ELMO1: variants seen among roughly 807,000 people sequenced by gnomAD.
The protein encoded by ELMO1 is engulfment and cell motility protein 1.
In ELMO1, 26 loss-of-function variants were observed where a neutral mutation model predicts 98.9. The ratio of observed to expected loss-of-function variants is 0.26; its 90% CI spans 0.19 to 0.36. The LOEUF (loss-of-function observed/expected upper bound fraction) is 0.36. Ranked by LOEUF, ELMO1 falls within the 10% of genes least tolerant of loss-of-function variation. The pLI, the probability that ELMO1 is intolerant of heterozygous loss-of-function variation, is 1.00. For missense variants in ELMO1, 627 were observed against 935.2 expected (o/e 0.67, Z 4.30); for synonymous variants, 346 against 346.0 (o/e 1.00, Z 0.00).
intron 2 of ELMO1, among the ~76,000 whole-genome samples, chr7:37,322,576 G>A (rs747967992): frequency 8.0e-5 from 12 of 150,872 alleles, no homozygotes; most frequent in African/African-American, 1.9e-4. Flanking sequence ...AGCTGAGACC[G>A]CGCTACTGCA....
chr7:37,161,289 G>T (rs905858439), intron 13 of ELMO1, among the ~76,000 whole-genome samples: 1 of 152,062 alleles, frequency 6.6e-6, no homozygotes, highest in Non-Finnish European at 1.5e-5. Context: ...GTGAAGTCTG[G>T]CTTTCTCACT....
chr7:37,009,510 C>A (rs560487970), intron 16 of ELMO1, among the ~76,000 whole-genome samples: 3 of 152,346 alleles, frequency 2.0e-5, no homozygotes, highest in East Asian at 3.9e-4. Context: ...AACTACCAAG[C>A]ACTAGATATC....
intron 16 of ELMO1, among the ~76,000 whole-genome samples, chr7:36,965,241 C>T (rs931365131): frequency 2.0e-5 from 3 of 152,152 alleles, no homozygotes; most frequent in African/African-American, 4.8e-5. Context: ...CTGCCTCCCC[C>T]GCTGCCTCCC....
At chr7:36,981,516 C>T (rs1791048901) in intron 16 of ELMO1, among the ~76,000 whole-genome samples, 1 of 152,110 alleles carries the variant, frequency 6.6e-6, no homozygotes, top group Admixed American at 6.5e-5. Context: ...AATTAAATCA[C>T]TCCTTAGCCT....
At chr7:37,250,091 GATAAA>G (rs1158178173) in intron 6 of ELMO1, among the ~76,000 whole-genome samples, 3 of 151,814 alleles carry the variant, frequency 2.0e-5, no homozygotes, top group African/African-American at 7.3e-5. Flanking sequence ...AAAAAAGTAA[GATAAA>G]ATAAAATAAA....
chr7:36,901,839 G>T (rs553807109), intron 16 of ELMO1, among the ~76,000 whole-genome samples: 1 of 152,202 alleles, frequency 6.6e-6, no homozygotes, highest in African/African-American at 2.4e-5. Context: ...AACAACTTAC[G>T]TATCTTCACA....
chr7:37,292,317 T>G (rs75551533), intron 4 of ELMO1, among the ~76,000 whole-genome samples: 70,663 of 71,264 alleles, frequency 0.99, 35,061 homozygotes, highest in South Asian at 1. Flanking sequence ...CCTCCCAGCC[T>G]CCTGCCTTGG....
intron 1 of ELMO1, among the ~76,000 whole-genome samples, chr7:37,426,844 G>C (rs1308945554): frequency 2.0e-5 from 3 of 151,756 alleles, no homozygotes; most frequent in Non-Finnish European, 4.4e-5. Flanking sequence ...TCACAGGTTG[G>C]ATATCCTTGT....
At chr7:36,919,165 T>A (rs1345856753) in intron 16 of ELMO1, among the ~76,000 whole-genome samples, 5 of 152,214 alleles carry the variant, frequency 3.3e-5, no homozygotes, top group African/African-American at 7.2e-5. Flanking sequence ...GCACCTTGGG[T>A]TGCAAGATCC....
intron 16 of ELMO1, among the ~76,000 whole-genome samples, chr7:36,919,775 A>C: frequency 6.6e-6 from 1 of 152,160 alleles, no homozygotes; most frequent in East Asian, 1.9e-4. Context: ...TGCAATCCAA[A>C]GCTCCCATCA....
chr7:37,264,779 G>A (rs866566769), intron 5 of ELMO1, among the ~76,000 whole-genome samples: 15 of 152,138 alleles, frequency 9.9e-5, no homozygotes, highest in Admixed American at 2.6e-4. Flanking sequence ...AGGATTAGCC[G>A]TGGGCACAGG....
At chr7:37,246,519 G>GA (rs898155978) in intron 6 of ELMO1, among the ~76,000 whole-genome samples, 6 of 151,888 alleles carry the variant, frequency 4.0e-5, no homozygotes, top group Admixed American at 2.6e-4. Flanking sequence ...CGAAATGGGG[G>GA]AAAAAAAATC....
chr7:37,226,969 C>G (rs535343567), intron 8 of ELMO1, among the ~76,000 whole-genome samples: 1 of 152,164 alleles, frequency 6.6e-6, no homozygotes, highest in Admixed American at 6.5e-5. Flanking sequence ...AAGTACACTG[C>G]GGGCCTATTC....
At chr7:37,391,554 A>G (rs1803077917) in intron 1 of ELMO1, among the ~76,000 whole-genome samples, 1 of 152,232 alleles carries the variant, frequency 6.6e-6, no homozygotes, top group East Asian at 1.9e-4. Flanking sequence ...CTTCCTCTCT[A>G]AAAATTCTTT....
chr7:37,013,604 A>G (rs1163407180), intron 15 of ELMO1, 169 bp from the exon 16 acceptor site: 2 of 735,056 alleles, frequency 2.7e-6, no homozygotes, highest in Admixed American at 5.9e-5. Context: ...GCCCCCATAC[A>G]ACTCGGAAGT....
chr7:37,321,362 A>G, intron 2 of ELMO1, among the ~76,000 whole-genome samples: 1 of 152,136 alleles, frequency 6.6e-6, no homozygotes, highest in Non-Finnish European at 1.5e-5. Context: ...AGTGATATGA[A>G]TAATATATTA....
chr7:36,969,942 T>C (rs1789771529), intron 16 of ELMO1, among the ~76,000 whole-genome samples: 1 of 152,142 alleles, frequency 6.6e-6, no homozygotes, highest in African/African-American at 2.4e-5. Context: ...TTAACAAGAT[T>C]TCTATTTTTC....
intron 16 of ELMO1, among the ~76,000 whole-genome samples, chr7:37,005,066 G>A (rs1216849759): frequency 2.4e-5 from 3 of 123,268 alleles, no homozygotes; most frequent in African/African-American, 3.2e-5. Context: ...CCGAGATCAC[G>A]CCACCGCACT....
At chr7:37,255,010 T>C (rs1795564873) in intron 6 of ELMO1, among the ~76,000 whole-genome samples, 1 of 152,196 alleles carries the variant, frequency 6.6e-6, no homozygotes, top group South Asian at 2.1e-4. Context: ...TGAGAAAAAG[T>C]AAGAATGTTG....
Sources: allele counts gnomAD v4.1 joint callset (sites outside exome capture counted in the v4.1 genomes callset), GRCh38; gene constraint gnomAD v4.1.1; transcripts MANE v1.5; gene names NCBI Gene and HGNC (gene_info 2026-07-23, HGNC 2026-07-21).